Variants in ADAMTSL1 observed in about 807,000 individuals in gnomAD.
ADAMTSL1 encodes the protein ADAMTS-like protein 1.
Under a neutral mutation model 201.8 loss-of-function variants are expected in ADAMTSL1, and 126 were observed. The observed-to-expected ratio is 0.62, with a 90% CI of 0.54 to 0.72. ADAMTSL1 has a LOEUF of 0.72. Among genes scored for constraint, ADAMTSL1 ranks in the 30% least tolerant of loss-of-function variants. ADAMTSL1 has a pLI of 0.00. For synonymous variants in ADAMTSL1, 1,121 were observed against 903.4 expected (o/e 1.24, Z -4.32); for missense variants, 2,679 against 2,277.8 (o/e 1.18, Z -3.59).
At chr9:18,869,857 T>C (rs1252127425) in intron 23 of ADAMTSL1, among the ~76,000 whole-genome samples, 2 of 152,196 alleles carry the variant, frequency 1.3e-5, no homozygotes, top group Non-Finnish European at 2.9e-5. Flanking sequence ...AGTTTGAGGA[T>C]TTTATTTCTT....
chr9:18,424,870 G>C (rs766325932), intron 2 of ADAMTSL1, among the ~76,000 whole-genome samples: 1 of 152,072 alleles, frequency 6.6e-6, no homozygotes, highest in Non-Finnish European at 1.5e-5. Flanking sequence ...TTTGAAATGT[G>C]GTTCATCGCA....
At chr9:18,100,774 C>G (rs778343198) in intron 1 of ADAMTSL1, among the ~76,000 whole-genome samples, 22 of 152,288 alleles carry the variant, frequency 1.4e-4, no homozygotes, top group Non-Finnish European at 2.2e-4. Context: ...TTACCAGGAT[C>G]TTGTTGTATT....
intron 2 of ADAMTSL1, among the ~76,000 whole-genome samples, chr9:18,372,695 G>T (rs763955260): frequency 9.9e-5 from 15 of 152,080 alleles, no homozygotes; most frequent in Non-Finnish European, 1.9e-4. Flanking sequence ...TTTTGGTTTG[G>T]CTCTTAATTG....
intron 26 of ADAMTSL1, among the ~76,000 whole-genome samples, chr9:18,902,332 T>A (rs1450653615): frequency 2.0e-5 from 3 of 152,046 alleles, no homozygotes; most frequent in African/African-American, 7.2e-5. Context: ...ACATGAAAAA[T>A]TATCCAAAAA....
At chr9:18,337,247 T>A (rs1295075851) in intron 2 of ADAMTSL1, among the ~76,000 whole-genome samples, 1 of 152,108 alleles carries the variant, frequency 6.6e-6, no homozygotes, top group Non-Finnish European at 1.5e-5. Flanking sequence ...GGTGTAAGAC[T>A]CTTGGACTTA....
At chr9:18,125,616 G>C (rs1825700041) in intron 1 of ADAMTSL1, among the ~76,000 whole-genome samples, 1 of 151,976 alleles carries the variant, frequency 6.6e-6, no homozygotes, top group Non-Finnish European at 1.5e-5. Flanking sequence ...GCGAGATAAG[G>C]GTCCAACTTA....
At chr9:18,847,776 A>C (rs1228374926) in intron 23 of ADAMTSL1, among the ~76,000 whole-genome samples, 1 of 152,250 alleles carries the variant, frequency 6.6e-6, no homozygotes, top group African/African-American at 2.4e-5. Context: ...GGCCACAATG[A>C]GGTAACAGAG....
intron 1 of ADAMTSL1, among the ~76,000 whole-genome samples, chr9:17,976,110 T>A (rs1201533554): frequency 6.6e-6 from 1 of 152,154 alleles, no homozygotes; most frequent in East Asian, 1.9e-4. Flanking sequence ...AGTACCATAC[T>A]ATTTTGATTA....
At chr9:18,620,411 G>A (rs1321069316) in intron 4 of ADAMTSL1, among the ~76,000 whole-genome samples, 1 of 152,058 alleles carries the variant, frequency 6.6e-6, no homozygotes. Context: ...ACAGTGGCTG[G>A]CCCATAGCAG....
chr9:18,117,238 CCTT>C (rs1365144249), intron 1 of ADAMTSL1, among the ~76,000 whole-genome samples: 1 of 152,146 alleles, frequency 6.6e-6, no homozygotes, highest in Non-Finnish European at 1.5e-5. Flanking sequence ...TGGCTAATGT[CCTT>C]CTTCTGCTAA....
intron 1 of ADAMTSL1, among the ~76,000 whole-genome samples, chr9:18,490,008 T>A (rs1253870106): frequency 1.3e-5 from 2 of 152,202 alleles, no homozygotes; most frequent in Non-Finnish European, 2.9e-5. Context: ...ACCTTAGTCA[T>A]CTCGTGCTCA....
At chr9:18,618,886 A>G (rs912135991) in intron 4 of ADAMTSL1, among the ~76,000 whole-genome samples, 1 of 152,190 alleles carries the variant, frequency 6.6e-6, no homozygotes, top group Non-Finnish European at 1.5e-5. Flanking sequence ...GCTAACCCAG[A>G]TAAAATTGGG....
chr9:18,512,243 TG>T (rs1402318438), intron 2 of ADAMTSL1, among the ~76,000 whole-genome samples: 1 of 152,184 alleles, frequency 6.6e-6, no homozygotes, highest in Non-Finnish European at 1.5e-5. Flanking sequence ...GGGGGTGTAT[TG>T]TTCCAAGATC....
At chr9:18,457,257 G>C (rs10511655) in intron 2 of ADAMTSL1, among the ~76,000 whole-genome samples, 12,367 of 152,220 alleles carry the variant, frequency 0.081, 686 homozygotes, top group Non-Finnish European at 0.12. Context: ...GAATAAATGA[G>C]GAATAGTGAC....
At chr9:18,352,415 G>A (rs1836013435) in intron 2 of ADAMTSL1, among the ~76,000 whole-genome samples, 2 of 152,196 alleles carry the variant, frequency 1.3e-5, no homozygotes, top group South Asian at 4.1e-4. Flanking sequence ...TCAGTATCCT[G>A]AGAACATGTG....
intron 13 of ADAMTSL1, among the ~76,000 whole-genome samples, chr9:18,688,391 G>A (rs1230287017): frequency 6.6e-6 from 1 of 151,182 alleles, no homozygotes; most frequent in Non-Finnish European, 1.5e-5. Flanking sequence ...GCCTCCCAAA[G>A]TGCTGGGATT....
chr9:18,738,888 A>G (rs1432155763), intron 15 of ADAMTSL1, among the ~76,000 whole-genome samples: 2 of 152,198 alleles, frequency 1.3e-5, no homozygotes, highest in Non-Finnish European at 2.9e-5. Flanking sequence ...TATAACAATG[A>G]TAGCAATAAT....
At chr9:17,986,542 C>A (rs140812972) in intron 1 of ADAMTSL1, among the ~76,000 whole-genome samples, 1 of 152,186 alleles carries the variant, frequency 6.6e-6, no homozygotes, top group Admixed American at 6.5e-5. Flanking sequence ...TTTCCATTTT[C>A]TCTCACCTGC....
intron 1 of ADAMTSL1, among the ~76,000 whole-genome samples, chr9:17,953,734 C>A (rs1827823198): frequency 6.6e-6 from 1 of 152,138 alleles, no homozygotes; most frequent in African/African-American, 2.4e-5. Context: ...TGGAAAAAGT[C>A]TGAAAGGTTA....
Sources: allele counts gnomAD v4.1 joint callset (sites outside exome capture counted in the v4.1 genomes callset), GRCh38; gene constraint gnomAD v4.1.1; transcripts MANE v1.5; gene names NCBI Gene and HGNC (gene_info 2026-07-23, HGNC 2026-07-21).